KCNH8: variants seen among roughly 807,000 people sequenced by gnomAD.
KCNH8 encodes the protein voltage-gated delayed rectifier potassium channel KCNH8.
In KCNH8, 70 loss-of-function variants were observed where a neutral mutation model predicts 103.6. The observed-to-expected ratio is 0.68, with a 90% CI of 0.56 to 0.82. The LOEUF (loss-of-function observed/expected upper bound fraction) is 0.82. KCNH8 is among the 40% of genes least tolerant of loss of function. KCNH8 has a pLI of 0.00. For synonymous variants in KCNH8, 498 were observed against 489.4 expected, an observed-to-expected ratio of 1.02 and a Z score of -0.23; for missense variants, 1,217 against 1,329.9, an observed-to-expected ratio of 0.92 and a Z score of 1.32.
rs532780500 is a variant in KCNH8 at position 19,429,260 on chromosome 3, G to A, written c.1178-8904G>A. Among the ~76,000 whole-genome samples, 1,212 of 137,718 alleles carry A rather than the reference G, an allele frequency of 8.8e-3. 7 individuals carry two copies. The highest frequency in any genetic ancestry group is 0.013 in the Non-Finnish European group (884 of 66,126). 90.3% of individuals were successfully genotyped at this position (137,718 alleles called of 152,430 possible). On this transcript the variant is annotated intron_variant, in intron 7 of 15. Transcript: ENST00000328405. Reference sequence around the variant, plus strand: ...GCGATCTCGGCTCACTGCAAGCTCCGCCTTCCGGGTTCACGGCATTCTCCT... The same window carrying A: ...GCGATCTCGGCTCACTGCAAGCTCCACCTTCCGGGTTCACGGCATTCTCCT...
chr3:19,287,262 T>C (rs1331119035), intron 3 of KCNH8, among the ~76,000 whole-genome samples: 1 of 152,070 alleles, frequency 6.6e-6, no homozygotes, highest in Non-Finnish European at 1.5e-5. Context: ...AGATTAATAA[T>C]GGTGAGACAT....
chr3:19,365,447 T>G (rs2065998609), intron 5 of KCNH8, among the ~76,000 whole-genome samples: 1 of 151,730 alleles, frequency 6.6e-6, no homozygotes, highest in South Asian at 2.1e-4. Flanking sequence ...TATAAACATA[T>G]TTAATATCTG....
chr3:19,193,846 G>A lies in KCNH8; in HGVS notation c.76+45051G>A, dbSNP rs1245452410. ...TATTAAGTATTAGCACTTCTCTCTT[G>A]TAGTTTTTGTTTGTGTGTGTGCAAA... On this transcript the variant is annotated intron_variant, in intron 1 of 15. Transcript: ENST00000328405. Among the ~76,000 whole-genome samples, 6 of 151,696 alleles carry A rather than the reference G, an allele frequency of 4.0e-5. No individual in the cohort carries two copies. In the East Asian group the frequency reaches 1.2e-3, roughly 29 times the overall value.
chr3:19,331,265 A>G lies in KCNH8; in HGVS notation c.443-11322A>G, dbSNP rs2065502990. Among the ~76,000 whole-genome samples the G allele has an allele frequency of 2.9e-5, 4 of 138,754 alleles. 1 individual carries two copies. The South Asian group carries it at 8.6e-4, about 30-fold the overall frequency. The allele number at this position is 138,754 out of a possible 152,430, so 91.0% of individuals were successfully genotyped here. A position where few individuals can be genotyped will look rare whatever the true frequency, so the allele number is the denominator to read the frequency against. ...TTTAATTATTTTTATTTATTTATTT[A>G]TTTATTTATTTATTTATTTATTGTT... On this transcript the variant is annotated intron_variant, in intron 3 of 15. Transcript: ENST00000328405.
intron 1 of KCNH8, among the ~76,000 whole-genome samples, chr3:19,205,177 C>CA (rs2063702440): frequency 6.6e-6 from 1 of 151,954 alleles, no homozygotes; most frequent in Non-Finnish European, 1.5e-5. Context: ...TTTCATATAT[C>CA]TAACTAATAG....
intron 8 of KCNH8, among the ~76,000 whole-genome samples, chr3:19,443,618 C>T (rs1215386290): frequency 6.6e-6 from 1 of 151,328 alleles, no homozygotes; most frequent in African/African-American, 2.4e-5. Context: ...AAAAATTATA[C>T]ATAGACAAAA....
intron 3 of KCNH8, among the ~76,000 whole-genome samples, chr3:19,288,181 C>CTTTTTTTTTTTTTTTTTT (rs767659898): frequency 2.6e-5 from 1 of 38,176 alleles, no homozygotes; most frequent in African/African-American, 9.6e-5. Context: ...TATCAAACTT[C>CTTTTTTTTTTTTTTTTTT]TTTTTTTTTT....
intron 5 of KCNH8, 70 bp from the exon 6 acceptor site, chr3:19,390,411 T>G: frequency 8.5e-7 from 1 of 1,173,988 alleles, no homozygotes; most frequent in Non-Finnish European, 1.2e-6. Context: ...TTTCTTTCAT[T>G]GTCCTTCCTA....
Position 19,153,902 on chromosome 3 carries a change from G to A in KCNH8, c.76+5107G>A, listed in dbSNP as rs11924130. Reference sequence around the variant, plus strand: ...CCACCGCGCCCTCCCAAAGTGCTGGGATTACAGGCGTGAGCCACTGCACCT... The same window carrying A: ...CCACCGCGCCCTCCCAAAGTGCTGGAATTACAGGCGTGAGCCACTGCACCT... On this transcript the variant is annotated intron_variant, in intron 1 of 15. Coordinates refer to ENST00000328405, the MANE Select transcript of KCNH8 (RefSeq NM_144633.3). Among the ~76,000 whole-genome samples the A allele has an allele frequency of 4.4e-3, 663 of 152,068 alleles. 5 individuals are homozygous for A. The highest frequency in any genetic ancestry group is 0.015 in the African/African-American group (626 of 41,514).
chr3:19,502,647 G>C (rs1405051040), intron 11 of KCNH8, among the ~76,000 whole-genome samples: 1 of 151,970 alleles, frequency 6.6e-6, no homozygotes, highest in Non-Finnish European at 1.5e-5. Context: ...TCTGATCTTT[G>C]ACAAACCTCA....
chr3:19,505,801 G>T (rs568817861), intron 11 of KCNH8, among the ~76,000 whole-genome samples: 1 of 152,120 alleles, frequency 6.6e-6, no homozygotes, highest in Non-Finnish European at 1.5e-5. Flanking sequence ...GGACCCCAGT[G>T]ATTCATAGAT....
intron 1 of KCNH8, among the ~76,000 whole-genome samples, chr3:19,236,278 C>T (rs2064063673): frequency 6.6e-6 from 1 of 152,188 alleles, no homozygotes; most frequent in African/African-American, 2.4e-5. Context: ...GAGTCTTCCT[C>T]CGTGTGGGGG....
chr3:19,497,177 T>C (rs763460510), intron 11 of KCNH8, among the ~76,000 whole-genome samples: 3 of 151,962 alleles, frequency 2.0e-5, no homozygotes, highest in Non-Finnish European at 2.9e-5. Flanking sequence ...GTCTGTCGTA[T>C]TAATTTTTTA....
intron 3 of KCNH8, among the ~76,000 whole-genome samples, chr3:19,329,108 A>G (rs376754637): frequency 2.6e-5 from 4 of 152,142 alleles, no homozygotes; most frequent in Non-Finnish European, 4.4e-5. Context: ...GATAACCCCA[A>G]TATTTCTTTT....
At chr3:19,244,266 G>A (rs576998986) in intron 1 of KCNH8, among the ~76,000 whole-genome samples, 2 of 152,208 alleles carry the variant, frequency 1.3e-5, no homozygotes, top group African/African-American at 4.8e-5. Flanking sequence ...ATGTTGAAAG[G>A]GGGAAGCTAT....
intron 15 of KCNH8, among the ~76,000 whole-genome samples, chr3:19,524,082 T>C (rs1202180002): frequency 1.3e-5 from 2 of 151,920 alleles, no homozygotes; most frequent in Non-Finnish European, 2.9e-5. Context: ...ATACTACTAA[T>C]ATTTCACATA....
At chr3:19,307,208 A>C (rs985670697) in intron 3 of KCNH8, among the ~76,000 whole-genome samples, 2 of 152,004 alleles carry the variant, frequency 1.3e-5, no homozygotes, top group African/African-American at 4.8e-5. Flanking sequence ...AGCAAAACAA[A>C]AGAAAAAAAA....
chr3:19,346,498 A>G (rs983255266), intron 4 of KCNH8, among the ~76,000 whole-genome samples: 1 of 152,090 alleles, frequency 6.6e-6, no homozygotes, highest in Non-Finnish European at 1.5e-5. Context: ...GAGAATATTA[A>G]CAGGAAGTAG....
chr3:19,154,478 C>G (rs1211308561), intron 1 of KCNH8, among the ~76,000 whole-genome samples: 2 of 152,126 alleles, frequency 1.3e-5, no homozygotes, highest in Non-Finnish European at 2.9e-5. Flanking sequence ...AAAAAACTTC[C>G]AAAATGCTCA....
Sources: gnomAD v4.1 joint callset for allele counts (sites outside exome capture counted in the v4.1 genomes callset) on GRCh38, gnomAD v4.1.1 for gene constraint, MANE v1.5 for transcripts, NCBI Gene and HGNC (gene_info 2026-07-23, HGNC 2026-07-21) for gene names.